The following MYT1 variants were observed in gnomAD, a reference collection of about 807,000 sequenced individuals.
The protein encoded by MYT1 is myelin transcription factor I.
MYT1 carries 23 observed loss-of-function variants against 123.0 expected under a neutral mutation model. That is an observed-to-expected ratio of 0.19 (90% CI 0.13 to 0.26). The LOEUF (loss-of-function observed/expected upper bound fraction) is 0.26, where lower values mean the gene tolerates loss of function less well. MYT1 is among the 10% of genes least tolerant of loss of function. MYT1 has a pLI of 1.00. For missense variants in MYT1, 1,125 were observed against 1,472.5 expected, an observed-to-expected ratio of 0.76 and a Z score of 3.86; for synonymous variants, 518 against 575.3, an observed-to-expected ratio of 0.90 and a Z score of 1.43.
At chr20:64,204,001 G>A (rs891701423) in intron 4 of MYT1, among the ~76,000 whole-genome samples, 2 of 152,220 alleles carry the variant, frequency 1.3e-5, no homozygotes, top group Non-Finnish European at 2.9e-5. Flanking sequence ...CCCACAAGGA[G>A]CGCAGGCCTG....
At chr20:64,177,300 C>G (rs1187854366) in intron 1 of MYT1, among the ~76,000 whole-genome samples, 2 of 152,050 alleles carry the variant, frequency 1.3e-5, no homozygotes, top group Non-Finnish European at 2.9e-5. Context: ...CTCTCATTTT[C>G]ACCTAAACTC....
chr20:64,184,492 G>A (rs1035763754), intron 1 of MYT1, among the ~76,000 whole-genome samples: 4 of 152,060 alleles, frequency 2.6e-5, no homozygotes, highest in Non-Finnish European at 5.9e-5. Flanking sequence ...CCATATGCCC[G>A]TCCTGATGCT....
At chr20:64,227,863 G>C in intron 17 of MYT1, 25 bp from the exon 18 acceptor site, 1 of 1,607,882 alleles carries the variant, frequency 6.2e-7, no homozygotes, top group Non-Finnish European at 8.5e-7. Flanking sequence ...CACTAAGGTG[G>C]CCTTTTTTCC....
At chr20:64,228,103 C>A in intron 18 of MYT1, 132 bp downstream of exon 18, 1 of 781,182 alleles carries the variant, frequency 1.3e-6, no homozygotes, top group Non-Finnish European at 2.1e-6. Flanking sequence ...CCAACGCCAA[C>A]TTTCGTTTCT....
rs534000646 is a variant in MYT1, at chr20:64,168,060, C to T, written c.-99+3321C>T. Among the ~76,000 whole-genome samples the T allele has an allele frequency of 2.6e-5, 4 of 152,348 alleles. No individual in the cohort carries two copies. Among genetic ancestry groups the T allele is most frequent in the African/African-American group, 4.8e-5 (2 of 41,592 alleles). On this transcript the variant is annotated intron_variant, in intron 1 of 22. Transcript: ENST00000328439. This position sits in a 1 kb window ranked among gnomAD's most constrained non-coding sequence, Gnocchi z 6.1. ...CCAGCCCGGAGTGTCTGCTGGAGGC[C>T]TGGGGGGTGGAATGTGCTTTCACGG... is the stretch of plus-strand genomic sequence containing the variant.
intron 5 of MYT1, among the ~76,000 whole-genome samples, 187 bp downstream of exon 5, chr20:64,205,284 G>C (rs562760182): frequency 7.1e-6 from 1 of 139,932 alleles, no homozygotes; most frequent in Non-Finnish European, 1.6e-5. Context: ...GCCATGTGGG[G>C]GAAGACAGAC....
At chr20:64,178,339 G>A (rs1019267240) in intron 1 of MYT1, among the ~76,000 whole-genome samples, 2 of 152,214 alleles carry the variant, frequency 1.3e-5, no homozygotes, top group Non-Finnish European at 2.9e-5. Flanking sequence ...TCACCTTCTC[G>A]GCCATCTGGT....
At chr20:64,199,295 G>A (rs1028700833) in intron 3 of MYT1, among the ~76,000 whole-genome samples, 1 of 152,208 alleles carries the variant, frequency 6.6e-6, no homozygotes, top group Non-Finnish European at 1.5e-5. Flanking sequence ...TTGTTGGGTT[G>A]AGCTGGAAGT....
At position 64,185,799 on chromosome 20, in the gene MYT1, C is replaced by T. The variant is rs960458197; in HGVS notation, c.-98-4264C>T. 3.3e-5 allele frequency among the ~76,000 whole-genome samples: 5 copies of T among 152,190 alleles called. No individual in the cohort carries two copies. The highest frequency in any genetic ancestry group is 4.8e-5 in the African/African-American group (2 of 41,446). ...AAGTGTGTGCTGGCAGTGGGTCAGC[C>T]GGCAGCTGGGGTGTTAGCTCTGGGA... On this transcript the variant is annotated intron_variant, in intron 1 of 22. Coordinates refer to ENST00000328439, the MANE Select transcript of MYT1 (RefSeq NM_004535.3). The surrounding 1 kb of genome is among the most constrained non-coding windows in gnomAD (Gnocchi z 4.5).
At chr20:64,236,872 T>G (rs1054448234) in intron 20 of MYT1, among the ~76,000 whole-genome samples, 2 of 152,146 alleles carry the variant, frequency 1.3e-5, no homozygotes, top group Admixed American at 1.3e-4. Flanking sequence ...AGGTCATGCC[T>G]GCTGTAACCT....
rs1261132822 is a variant in MYT1, at chr20:64,223,375, C to G, written c.2528+16C>G. ...CTGACCTCAAGTATGTTTGCGCTCCCTGACCTCCTGTCTCTTGGGCGGCAC... is the reference window on the plus strand; with the variant it reads ...CTGACCTCAAGTATGTTTGCGCTCCGTGACCTCCTGTCTCTTGGGCGGCAC... On this transcript the variant is annotated intron_variant, in intron 16 of 22. Coordinates refer to ENST00000328439, the MANE Select transcript of MYT1 (RefSeq NM_004535.3). The G allele has an allele frequency of 1.2e-6, 2 of 1,613,746 alleles. No homozygotes were observed. Among genetic ancestry groups the G allele is most frequent in the Non-Finnish European group, 1.7e-6 (2 of 1,179,812 alleles).
chr20:64,208,548 C>T lies in MYT1; in HGVS notation c.1291+61C>T, dbSNP rs1390679365. ...TCCTTTCACCCCTGCCCCAGGTGTGCAGATGCAGGCTGAGAGCCCTTCTAG... is the reference window on the plus strand; with the variant it reads ...TCCTTTCACCCCTGCCCCAGGTGTGTAGATGCAGGCTGAGAGCCCTTCTAG... On this transcript the variant is annotated intron_variant, in intron 7 of 22. Coordinates refer to ENST00000328439, the MANE Select transcript of MYT1 (RefSeq NM_004535.3). This position sits in a 1 kb window ranked among gnomAD's most constrained non-coding sequence, Gnocchi z 5.4. 2.0e-5 allele frequency: 30 copies of T among 1,515,850 alleles called. No individual in the cohort carries two copies. The South Asian group carries it at 3.5e-4, about 18-fold the overall frequency. 93.9% of individuals were successfully genotyped at this position (1,515,850 alleles called of 1,614,324 possible).
chr20:64,204,043 A>C (rs1318017390), intron 4 of MYT1, among the ~76,000 whole-genome samples: 1 of 152,228 alleles, frequency 6.6e-6, no homozygotes, highest in African/African-American at 2.4e-5. Context: ...GACCTGGCAC[A>C]GGCGTCTGGG....
intron 12 of MYT1, 126 bp from the exon 13 acceptor site, chr20:64,219,587 C>A: frequency 1.2e-6 from 1 of 829,896 alleles, no homozygotes; most frequent in Non-Finnish European, 1.9e-6. Flanking sequence ...GCCTGTCTGT[C>A]CCCGTTGTCC....
Position 64,170,520 on chromosome 20 carries a change from T to C in MYT1, c.-99+5781T>C, listed in dbSNP as rs149122728. On this transcript the variant is annotated intron_variant, in intron 1 of 22. Transcript: ENST00000328439. ...GAAGAAAAGCTACTTAAATGCTCAGTTGAGCAGTTCTGAATTATTCCTCCA... is the reference window on the plus strand; with the variant it reads ...GAAGAAAAGCTACTTAAATGCTCAGCTGAGCAGTTCTGAATTATTCCTCCA... 4.2e-3 allele frequency among the ~76,000 whole-genome samples: 644 copies of C among 152,230 alleles called. 3 individuals are homozygous for C. The highest frequency in any genetic ancestry group is 0.015 in the African/African-American group (620 of 41,550).
At chr20:64,228,941 G>C (rs910681530) in intron 18 of MYT1, among the ~76,000 whole-genome samples, 1 of 152,208 alleles carries the variant, frequency 6.6e-6, no homozygotes, top group African/African-American at 2.4e-5. Context: ...TGTGTTACCT[G>C]CTGGGCCAAG....
At chr20:64,171,229 A>G (rs1354496102) in intron 1 of MYT1, among the ~76,000 whole-genome samples, 2 of 151,980 alleles carry the variant, frequency 1.3e-5, no homozygotes, top group African/African-American at 4.8e-5. Context: ...AAATTTACCC[A>G]ATTTTTAAGA....
intron 4 of MYT1, 58 bp downstream of exon 4, chr20:64,199,980 T>C: frequency 6.3e-7 from 1 of 1,594,892 alleles, no homozygotes. Context: ...ACCCTGGAGA[T>C]ATCCTAAATG....
At chr20:64,176,414 C>T (rs1326435944) in intron 1 of MYT1, among the ~76,000 whole-genome samples, 47 of 149,152 alleles carry the variant, frequency 3.2e-4, no homozygotes, top group African/African-American at 1.0e-3. Context: ...GTAGTTGTGT[C>T]CATTTCCCCT....
Sources: allele counts gnomAD v4.1 joint callset (sites outside exome capture counted in the v4.1 genomes callset), GRCh38; gene constraint gnomAD v4.1.1; non-coding constraint Gnocchi (gnomAD v3.1); transcripts MANE v1.5; gene names NCBI Gene and HGNC (gene_info 2026-07-23, HGNC 2026-07-21).